The following NBEA variants were observed in gnomAD, a reference collection of about 807,000 sequenced individuals.
NBEA encodes lysosomal-trafficking regulator 2.
In NBEA, 44 loss-of-function variants were observed where a neutral mutation model predicts 343.4. The observed-to-expected ratio is 0.13, with a 90% CI of 0.10 to 0.16. NBEA has a LOEUF of 0.16. Ranked by LOEUF, NBEA falls within the 10% of genes least tolerant of loss-of-function variation. The pLI, the probability that NBEA is intolerant of heterozygous loss-of-function variation, is 1.00. For synonymous variants in NBEA, 1,175 were observed against 1,238.7 expected (o/e 0.95, Z 1.08); for missense variants, 2,555 against 3,631.3 (o/e 0.70, Z 7.62).
Position 35,195,853 on chromosome 13 carries a change from T to C in NBEA, c.4928-11T>C. ...CAAAGCTTTTTTCTAACCTAGTTTC[T>C]TTCATTACAGAAACACCTGCTGCAT... On this transcript the variant is annotated splice_polypyrimidine_tract_variant and intron_variant, in intron 30 of 58. Transcript: ENST00000379939. The C allele has an allele frequency of 6.4e-7, 1 of 1,558,548 alleles. No individual in the cohort carries two copies.
intron 4 of NBEA, among the ~76,000 whole-genome samples, chr13:35,047,201 TTGTGTGTGTGTG>T (rs139134555): frequency 6.8e-6 from 1 of 147,972 alleles, no homozygotes; most frequent in African/African-American, 2.5e-5. Flanking sequence ...TCATTTGAAA[TTGTGTGTGTGTG>T]TGTGTGTGTG....
chr13:35,616,350 A>G (rs1300378941), intron 48 of NBEA, among the ~76,000 whole-genome samples: 1 of 152,228 alleles, frequency 6.6e-6, no homozygotes, highest in East Asian at 1.9e-4. Context: ...TCACCAAATT[A>G]TAAAGAAACT....
intron 8 of NBEA, among the ~76,000 whole-genome samples, chr13:35,062,393 G>A (rs879534434): frequency 1.3e-5 from 2 of 151,606 alleles, no homozygotes; most frequent in Non-Finnish European, 3.0e-5. Context: ...AGGTCTAATA[G>A]GCACAGTATA....
chr13:35,473,150 T>C (rs928566213), intron 41 of NBEA, among the ~76,000 whole-genome samples: 4 of 152,204 alleles, frequency 2.6e-5, no homozygotes, highest in African/African-American at 9.6e-5. Context: ...ATTTGGACCA[T>C]TTAAATGCAT....
rs117249827 is a variant in NBEA, at chr13:35,585,535, C to A, written c.7176+1497C>A. Among the ~76,000 whole-genome samples, 53 of 152,148 alleles carry A rather than the reference C, an allele frequency of 3.5e-4. 1 individual carries two copies. The East Asian group carries it at 0.01, about 29-fold the overall frequency. ...ATTGTTTTTCCTTAATGTTCCTCTT[C>A]TACAGGATTTTTCTTTATATTTCAG... On this transcript the variant is annotated intron_variant, in intron 46 of 58. Coordinates refer to ENST00000379939, the MANE Select transcript of NBEA (RefSeq NM_001385012.1).
intron 34 of NBEA, among the ~76,000 whole-genome samples, chr13:35,243,788 C>G (rs2030727332): frequency 6.6e-6 from 1 of 151,834 alleles, no homozygotes; most frequent in African/African-American, 2.4e-5. Context: ...CAAAAAAGTT[C>G]TGCAATAATC....
At chr13:35,329,158 T>G (rs953000509) in intron 36 of NBEA, among the ~76,000 whole-genome samples, 1 of 151,912 alleles carries the variant, frequency 6.6e-6, no homozygotes, top group African/African-American at 2.4e-5. Flanking sequence ...CATTACACAC[T>G]TGCTGTAATG....
At chr13:35,049,813 A>G (rs568302792) in intron 5 of NBEA, among the ~76,000 whole-genome samples, 1 of 151,784 alleles carries the variant, frequency 6.6e-6, no homozygotes, top group South Asian at 2.1e-4. Context: ...TGCTTGATCA[A>G]CTGTATCATT....
At chr13:35,433,709 T>C (rs1249177767) in intron 39 of NBEA, among the ~76,000 whole-genome samples, 2 of 151,994 alleles carry the variant, frequency 1.3e-5, no homozygotes, top group Admixed American at 1.3e-4. Context: ...GGAAAAAAAT[T>C]ATAGTTTGTC....
intron 43 of NBEA, among the ~76,000 whole-genome samples, chr13:35,554,183 A>G (rs946400290): frequency 7.9e-5 from 12 of 152,234 alleles, no homozygotes; most frequent in African/African-American, 2.9e-4. Context: ...TTGAGTTGTT[A>G]GAGCTAACTA....
intron 38 of NBEA, among the ~76,000 whole-genome samples, chr13:35,356,456 C>T (rs1041714492): frequency 7.9e-5 from 12 of 152,066 alleles, no homozygotes; most frequent in Admixed American, 2.6e-4. Context: ...ATACAGTGTA[C>T]GTTTCTACTA....
At chr13:35,633,603 TTGAG>T (rs1262949155) in intron 49 of NBEA, among the ~76,000 whole-genome samples, 1 of 151,866 alleles carries the variant, frequency 6.6e-6, no homozygotes, top group Non-Finnish European at 1.5e-5. Context: ...CCATTAGTAT[TTGAG>T]TGACATTAAG....
At chr13:35,467,341 A>ACG (rs2075427792) in intron 40 of NBEA, among the ~76,000 whole-genome samples, 1 of 151,972 alleles carries the variant, frequency 6.6e-6, no homozygotes, top group East Asian at 1.9e-4. Context: ...GCATGGTGGT[A>ACG]TGCACCTGTA....
intron 1 of NBEA, among the ~76,000 whole-genome samples, chr13:34,950,590 A>G (rs1022621595): frequency 9.9e-5 from 15 of 151,280 alleles, no homozygotes; most frequent in African/African-American, 3.4e-4. Context: ...AGAAATATTT[A>G]ATTTCTAATA....
chr13:35,292,615 C>T (rs1453435345), intron 35 of NBEA, among the ~76,000 whole-genome samples: 1 of 151,866 alleles, frequency 6.6e-6, no homozygotes, highest in African/African-American at 2.4e-5. Context: ...CTACAGACAG[C>T]CCTTTGTAAG....
At chr13:35,387,989 A>G (rs2042325617) in intron 38 of NBEA, among the ~76,000 whole-genome samples, 1 of 152,118 alleles carries the variant, frequency 6.6e-6, no homozygotes, top group Non-Finnish European at 1.5e-5. Flanking sequence ...TTCCCCCCAG[A>G]GTGTGTCCAG....
intron 41 of NBEA, among the ~76,000 whole-genome samples, chr13:35,495,089 T>C (rs946792468): frequency 6.6e-6 from 1 of 151,970 alleles, no homozygotes; most frequent in Non-Finnish European, 1.5e-5. Context: ...CTCTGTGCTC[T>C]CTACATACAA....
intron 4 of NBEA, among the ~76,000 whole-genome samples, chr13:35,047,201 T>TTGTGTGTGTGTG (rs139134555): frequency 0.017 from 2,544 of 148,036 alleles, 24 homozygotes; most frequent in Non-Finnish European, 0.022. Context: ...TCATTTGAAA[T>TTGTGTGTGTGTG]TGTGTGTGTG....
In NBEA at chr13:35,500,711, CTTCTT is replaced by C. The variant is rs1308157485; in HGVS notation, c.6585+28178_6585+28182del. 3.5e-3 allele frequency among the ~76,000 whole-genome samples: 60 copies of C among 17,076 alleles called. 1 individual carries two copies. Among genetic ancestry groups the C allele is most frequent in the African/African-American group, 0.013 (53 of 4,188 alleles). The allele number at this position is 17,076 out of a possible 152,430, so 11.2% of individuals were successfully genotyped here. ...TCACTCCTCGTGCTCTTTCCTGGCT[CTTCTT>C]TTTTTTTTTTTTTTGAAAACATAAT... is the stretch of plus-strand genomic sequence containing the variant. On this transcript the variant is annotated intron_variant, in intron 41 of 58. Transcript: ENST00000379939.
Sources: gnomAD v4.1 joint callset for allele counts (sites outside exome capture counted in the v4.1 genomes callset) on GRCh38, gnomAD v4.1.1 for gene constraint, MANE v1.5 for transcripts, NCBI Gene and HGNC (gene_info 2026-07-23, HGNC 2026-07-21) for gene names.